Variants in PIGU observed in about 807,000 individuals in gnomAD.
The protein encoded by PIGU is phosphatidylinositol glycan anchor biosynthesis class U.
PIGU carries 24 observed loss-of-function variants against 49.9 expected under a neutral mutation model. The ratio of observed to expected loss-of-function variants is 0.48; its 90% CI spans 0.35 to 0.68. The LOEUF (loss-of-function observed/expected upper bound fraction) is 0.68. Ranked by LOEUF, PIGU falls within the 30% of genes least tolerant of loss-of-function variation. The pLI, the probability that PIGU is intolerant of heterozygous loss-of-function variation, is 0.01. For missense variants in PIGU, 490 were observed against 532.6 expected (o/e 0.92, Z 0.79); for synonymous variants, 220 against 205.7 (o/e 1.07, Z -0.59).
At chr20:34,609,914 C>T (rs535644497) in intron 7 of PIGU, among the ~76,000 whole-genome samples, 1 of 152,284 alleles carries the variant, frequency 6.6e-6, no homozygotes, top group Admixed American at 6.5e-5. Flanking sequence ...CTCACAGGAT[C>T]TGATGGTTTT....
intron 2 of PIGU, among the ~76,000 whole-genome samples, chr20:34,646,080 CT>C (rs754268781): frequency 1.7e-4 from 26 of 151,886 alleles, no homozygotes; most frequent in Non-Finnish European, 3.2e-4. Flanking sequence ...ATATTTTTTT[CT>C]TTATTTATTT....
chr20:34,581,536 G>A lies in PIGU; in HGVS notation c.1051+12C>T, dbSNP rs772150073. ...GCTGACACAAATCTGTGGCAGAGGCGGGAGTACTCACATCTGTAGAGATGG... is the reference window on the plus strand; with the variant it reads ...GCTGACACAAATCTGTGGCAGAGGCAGGAGTACTCACATCTGTAGAGATGG... On this transcript the variant is annotated intron_variant, in intron 10 of 11. Transcript: ENST00000217446. 54 of 1,609,766 alleles carry A rather than the reference G, an allele frequency of 3.4e-5. No homozygotes were observed. The highest frequency in any genetic ancestry group is 4.1e-5 in the Non-Finnish European group (48 of 1,177,852).
At position 34,616,025 on chromosome 20, in the gene PIGU, G is replaced by A; in HGVS notation, c.627+17C>T. 1 of 1,598,150 alleles carries A rather than the reference G, an allele frequency of 6.3e-7. No homozygotes were observed. The highest frequency in any genetic ancestry group is 8.5e-7 in the Non-Finnish European group (1 of 1,174,064). ...AAATGTCACTTGGGTGCTGGCTTCT[G>A]ACCAGCAAGTGCTTACCTGGAGGAG... is the stretch of plus-strand genomic sequence containing the variant. On this transcript the variant is annotated intron_variant, in intron 7 of 11. Coordinates refer to ENST00000217446, the MANE Select transcript of PIGU (RefSeq NM_080476.5).
chr20:34,651,654 C>T (rs1986544748), intron 2 of PIGU, among the ~76,000 whole-genome samples: 1 of 152,096 alleles, frequency 6.6e-6, no homozygotes, highest in Non-Finnish European at 1.5e-5. Context: ...CTGGTTTTAG[C>T]GAGCCCATGC....
chr20:34,654,095 G>C lies in PIGU; in HGVS notation c.195+3085C>G, dbSNP rs1406854422. On this transcript the variant is annotated intron_variant, in intron 2 of 11. Transcript: ENST00000217446. ...GCTGGTCTCGAACTCCCGACCTTGT[G>C]ATCCGCCCGCCTAGGCTTCCCAAAG... Among the ~76,000 whole-genome samples, 24 of 108,046 alleles carry C rather than the reference G, an allele frequency of 2.2e-4. 5 individuals carry two copies. The highest frequency in any genetic ancestry group is 3.7e-4 in the Non-Finnish European group (19 of 50,832). 70.9% of individuals were successfully genotyped at this position (108,046 alleles called of 152,430 possible). A position where few individuals can be genotyped will look rare whatever the true frequency, so the allele number is the denominator to read the frequency against.
At chr20:34,595,237 T>C (rs911756430) in intron 7 of PIGU, among the ~76,000 whole-genome samples, 1 of 152,106 alleles carries the variant, frequency 6.6e-6, no homozygotes, top group African/African-American at 2.4e-5. Context: ...TCCACATCTA[T>C]GGATTCAATC....
intron 5 of PIGU, among the ~76,000 whole-genome samples, chr20:34,635,357 T>C (rs1161984298): frequency 6.6e-6 from 1 of 152,102 alleles, no homozygotes; most frequent in Non-Finnish European, 1.5e-5. Flanking sequence ...ACAGAATAAG[T>C]ATCTACTGAG....
At position 34,588,510 on chromosome 20, in the gene PIGU, C is replaced by A; in HGVS notation, c.725G>T (p.Cys242Phe). 1 of 1,613,908 alleles carries A rather than the reference C, an allele frequency of 6.2e-7. No homozygotes were observed. ...AGAGCTGAGAAGGAAGAAGGAGAGGCAAATGATTACCACTAGGCTTCCCAC... is the reference window on the plus strand; with the variant it reads ...AGAGCTGAGAAGGAAGAAGGAGAGGAAAATGATTACCACTAGGCTTCCCAC... ...MYVGSLVVII[C>F]LSFFLLSSWD... Residue 242 changes from cysteine to phenylalanine, a missense_variant, in exon 8 of 12, where the codon TGC becomes TTC. Transcript: ENST00000217446.
At chr20:34,619,080 C>A (rs930147218) in intron 6 of PIGU, among the ~76,000 whole-genome samples, 6 of 152,154 alleles carry the variant, frequency 3.9e-5, no homozygotes, top group African/African-American at 1.4e-4. Context: ...GCTAGAACAA[C>A]CCTAGTTGAC....
chr20:34,581,891 A>G (rs1033658894), intron 9 of PIGU, among the ~76,000 whole-genome samples: 2 of 152,198 alleles, frequency 1.3e-5, no homozygotes, highest in African/African-American at 4.8e-5. Flanking sequence ...CCTGGCAAAC[A>G]CTAGGGAAAC....
chr20:34,592,717 T>C (rs1984041847), intron 7 of PIGU, among the ~76,000 whole-genome samples: 1 of 152,072 alleles, frequency 6.6e-6, no homozygotes, highest in Non-Finnish European at 1.5e-5. Flanking sequence ...CACATATAAA[T>C]TGGGGAGTTT....
chr20:34,626,737 A>T (rs6087609), intron 6 of PIGU, among the ~76,000 whole-genome samples: 1 of 151,970 alleles, frequency 6.6e-6, no homozygotes, highest in Non-Finnish European at 1.5e-5. Flanking sequence ...TACCAATTTC[A>T]GAGGCAAAAA....
intron 6 of PIGU, among the ~76,000 whole-genome samples, chr20:34,631,216 T>A (rs1985694505): frequency 6.6e-6 from 1 of 151,636 alleles, no homozygotes. Flanking sequence ...TAAAACTCAA[T>A]AGAGGAGCTG....
Position 34,672,863 on chromosome 20 carries a change from A to T in PIGU, c.130+4093T>A, listed in dbSNP as rs1200450069. 4.1e-3 allele frequency among the ~76,000 whole-genome samples: 611 copies of T among 150,432 alleles called. 7 individuals are homozygous for T. The highest frequency in any genetic ancestry group is 0.011 in the Admixed American group (162 of 14,966). On this transcript the variant is annotated intron_variant, in intron 1 of 11. Coordinates refer to ENST00000217446, the MANE Select transcript of PIGU (RefSeq NM_080476.5). ...GAGTGGGACCCTGTCTCTCAAAAAA[A>T]AAAAAAAAAAAAAAAAATCAGTCCA...
At chr20:34,588,024 T>A (rs975408089) in intron 8 of PIGU, among the ~76,000 whole-genome samples, 1 of 152,162 alleles carries the variant, frequency 6.6e-6, no homozygotes, top group Non-Finnish European at 1.5e-5. Flanking sequence ...CCCAGCACTT[T>A]GGGAGGCCAA....
At chr20:34,660,896 T>C (rs763496172) in intron 1 of PIGU, among the ~76,000 whole-genome samples, 3 of 152,224 alleles carry the variant, frequency 2.0e-5, no homozygotes, top group Non-Finnish European at 4.4e-5. Context: ...AATTAGTTAA[T>C]AGCATTGTAT....
At chr20:34,573,017 A>AT (rs1334861352) in intron 11 of PIGU, among the ~76,000 whole-genome samples, 3 of 151,976 alleles carry the variant, frequency 2.0e-5, no homozygotes, top group South Asian at 2.1e-4. Flanking sequence ...TAGTCTTTTT[A>AT]TTTTTTATTT....
chr20:34,569,021 C>A (rs2146693461), intron 11 of PIGU, among the ~76,000 whole-genome samples: 1 of 152,060 alleles, frequency 6.6e-6, no homozygotes, highest in East Asian at 1.9e-4. Flanking sequence ...CTCGTAACAA[C>A]ATAGCAAGAC....
At chr20:34,642,417 T>C (rs1305480968) in intron 4 of PIGU, among the ~76,000 whole-genome samples, 7 of 151,950 alleles carry the variant, frequency 4.6e-5, no homozygotes, top group Admixed American at 3.3e-4. Flanking sequence ...TCCCACTATA[T>C]TGCCCAGGCT....
Sources: allele counts gnomAD v4.1 joint callset (sites outside exome capture counted in the v4.1 genomes callset), GRCh38; gene constraint gnomAD v4.1.1; transcripts MANE v1.5; gene names NCBI Gene and HGNC (gene_info 2026-07-23, HGNC 2026-07-21).